ATP10A: variants seen among roughly 807,000 people sequenced by gnomAD.
The protein encoded by ATP10A is phospholipid-transporting ATPase VA.
In ATP10A, 111 loss-of-function variants were observed where a neutral mutation model predicts 147.8. That is an observed-to-expected ratio of 0.75 (90% CI 0.64 to 0.88). ATP10A has a LOEUF of 0.88. Among genes scored for constraint, ATP10A ranks in the 40% least tolerant of loss-of-function variants. The probability of loss-of-function intolerance (pLI) is 0.00; values close to 1 mark genes in which losing one functional copy is unlikely to be tolerated. For synonymous variants in ATP10A, 875 were observed against 841.6 expected (o/e 1.04, Z -0.69); for missense variants, 1,927 against 1,959.0 (o/e 0.98, Z 0.31).
At chr15:25,808,773 A>G (rs8036886) in intron 1 of ATP10A, among the ~76,000 whole-genome samples, 115,989 of 152,150 alleles carry the variant, frequency 0.76, 45,101 homozygotes, top group East Asian at 0.99. Context: ...CTGGATCTAT[A>G]TTATCTTTGT....
chr15:25,829,915 G>C (rs1411941860), intron 1 of ATP10A, among the ~76,000 whole-genome samples: 1 of 152,174 alleles, frequency 6.6e-6, no homozygotes. Context: ...AAGAAGAGGA[G>C]GGCCCCAGTC....
intron 13 of ATP10A, among the ~76,000 whole-genome samples, chr15:25,696,017 TAGC>T (rs910714194): frequency 6.6e-6 from 1 of 151,320 alleles, no homozygotes; most frequent in African/African-American, 2.4e-5. Context: ...CCTACGGTGG[TAGC>T]AGCACTAGGG....
intron 2 of ATP10A, among the ~76,000 whole-genome samples, chr15:25,773,218 T>C (rs1344521840): frequency 6.6e-6 from 1 of 152,174 alleles, no homozygotes; most frequent in Non-Finnish European, 1.5e-5. Flanking sequence ...GAAGCCCTAA[T>C]ACCACAGTGA....
chr15:25,832,981 CTT>C (rs202037774), intron 1 of ATP10A, among the ~76,000 whole-genome samples: 21 of 124,170 alleles, frequency 1.7e-4, no homozygotes, highest in Admixed American at 4.2e-4. Flanking sequence ...CTATTTTATT[CTT>C]TTTTTTTTTT....
intron 13 of ATP10A, among the ~76,000 whole-genome samples, chr15:25,697,406 A>G (rs1443346719): frequency 1.3e-5 from 2 of 152,258 alleles, no homozygotes; most frequent in Admixed American, 1.3e-4. Flanking sequence ...ACTTCTTAGC[A>G]TACAAAGAAC....
intron 1 of ATP10A, chr15:25,848,925 G>T (rs1190629228): frequency 6.5e-6 from 1 of 153,230 alleles, no homozygotes; most frequent in African/African-American, 2.4e-5. Context: ...GTCAGGAGAG[G>T]ACTGCCATTG....
chr15:25,795,948 T>C (rs1281192184), intron 1 of ATP10A, among the ~76,000 whole-genome samples: 4 of 152,060 alleles, frequency 2.6e-5, no homozygotes, highest in Non-Finnish European at 5.9e-5. Flanking sequence ...TCCTCACCCC[T>C]GTGATTCTGC....
chr15:25,773,898 C>G (rs1454035476), intron 2 of ATP10A, among the ~76,000 whole-genome samples: 1 of 152,068 alleles, frequency 6.6e-6, no homozygotes, highest in Non-Finnish European at 1.5e-5. Flanking sequence ...CTGCGTCGAT[C>G]TCACATTGTC....
At chr15:25,782,761 A>G (rs528434785) in intron 1 of ATP10A, among the ~76,000 whole-genome samples, 1 of 152,236 alleles carries the variant, frequency 6.6e-6, no homozygotes, top group Non-Finnish European at 1.5e-5. Flanking sequence ...GTCATTTGTA[A>G]GAGTTCCTTG....
intron 1 of ATP10A, among the ~76,000 whole-genome samples, chr15:25,803,082 C>T (rs1891011216): frequency 6.6e-6 from 1 of 152,162 alleles, no homozygotes; most frequent in African/African-American, 2.4e-5. Flanking sequence ...GAGATAATTC[C>T]TGGCAAATCC....
At chr15:25,693,702 C>T (rs560206660) in intron 14 of ATP10A, among the ~76,000 whole-genome samples, 6 of 152,194 alleles carry the variant, frequency 3.9e-5, no homozygotes, top group Non-Finnish European at 7.4e-5. Context: ...TTAGGTTCCC[C>T]GGGCCTCCTG....
At chr15:25,746,748 G>T (rs1423738654) in intron 2 of ATP10A, among the ~76,000 whole-genome samples, 1 of 152,136 alleles carries the variant, frequency 6.6e-6, no homozygotes, top group Non-Finnish European at 1.5e-5. Flanking sequence ...AGTCACGAGA[G>T]AAATTAAGAA....
intron 1 of ATP10A, among the ~76,000 whole-genome samples, chr15:25,861,587 G>A (rs1893761982): frequency 6.6e-6 from 1 of 152,168 alleles, no homozygotes; most frequent in Admixed American, 6.5e-5. Context: ...GAGCCACTCT[G>A]ACCCTCCTCT....
chr15:25,773,349 G>A (rs1050573846), intron 2 of ATP10A, among the ~76,000 whole-genome samples: 6 of 152,140 alleles, frequency 3.9e-5, no homozygotes, highest in Admixed American at 2.0e-4. Context: ...TGTCTGCGGA[G>A]GTGCTCTGAC....
chr15:25,697,147 C>A lies in ATP10A; in HGVS notation c.2761-2001G>T, dbSNP rs149288980. 7.1e-3 allele frequency among the ~76,000 whole-genome samples: 1,078 copies of A among 152,290 alleles called. 13 individuals are homozygous for A. Among genetic ancestry groups the A allele is most frequent in the African/African-American group, 0.025 (1,039 of 41,538 alleles). On this transcript the variant is annotated intron_variant, in intron 13 of 20. Transcript: ENST00000555815. ...GTTGTTAATGAATTCCTGGGCTCACCCATAACAAAGCCTTTGAGAGGCAAA... is the reference window on the plus strand; with the variant it reads ...GTTGTTAATGAATTCCTGGGCTCACACATAACAAAGCCTTTGAGAGGCAAA...
intron 2 of ATP10A, among the ~76,000 whole-genome samples, chr15:25,769,067 C>T (rs1444506455): frequency 6.6e-6 from 1 of 152,146 alleles, no homozygotes; most frequent in Non-Finnish European, 1.5e-5. Flanking sequence ...TGCCTTGACT[C>T]TCACACACAC....
At chr15:25,725,812 T>C (rs1225361007) in intron 5 of ATP10A, 139 bp downstream of exon 5, 2 of 1,057,368 alleles carry the variant, frequency 1.9e-6, no homozygotes, top group Non-Finnish European at 2.6e-6. Context: ...AGAGATGGGA[T>C]TTCACCATGT....
At chr15:25,850,721 G>C (rs529296105) in intron 1 of ATP10A, among the ~76,000 whole-genome samples, 1 of 146,356 alleles carries the variant, frequency 6.8e-6, no homozygotes, top group African/African-American at 2.5e-5. Context: ...ACCTGGCCGC[G>C]CTCACCTCCC....
intron 13 of ATP10A, among the ~76,000 whole-genome samples, chr15:25,695,672 CT>C (rs1297772351): frequency 1.3e-5 from 2 of 151,944 alleles, no homozygotes; most frequent in Non-Finnish European, 2.9e-5. Context: ...TAAGATCTTA[CT>C]TGATCACCCA....
Sources: allele counts gnomAD v4.1 joint callset (sites outside exome capture counted in the v4.1 genomes callset), GRCh38; gene constraint gnomAD v4.1.1; transcripts MANE v1.5; gene names NCBI Gene and HGNC (gene_info 2026-07-23, HGNC 2026-07-21).